Variants in NKAIN2 observed in about 807,000 individuals in gnomAD.
NKAIN2 encodes the protein sodium/potassium transporting ATPase interacting 2, also known as sodium/potassium-transporting ATPase subunit beta-1-interacting protein 2.
Under a neutral mutation model 32.6 loss-of-function variants are expected in NKAIN2, and 14 were observed. That is an observed-to-expected ratio of 0.43 (90% CI 0.28 to 0.67). The LOEUF is 0.67. Ranked by LOEUF, NKAIN2 falls within the 30% of genes least tolerant of loss-of-function variation. The probability of loss-of-function intolerance (pLI) is 0.17; values close to 1 mark genes in which losing one functional copy is unlikely to be tolerated. For synonymous variants in NKAIN2, 80 were observed against 87.2 expected (o/e 0.92, Z 0.46); for missense variants, 198 against 258.3 (o/e 0.77, Z 1.60).
intron 1 of NKAIN2, among the ~76,000 whole-genome samples, chr6:124,159,572 T>C (rs1788168267): frequency 6.6e-6 from 1 of 152,220 alleles, no homozygotes; most frequent in Non-Finnish European, 1.5e-5. Flanking sequence ...CTAAACGTGA[T>C]GTCTTTGAAA....
chr6:124,406,460 A>G (rs1773863629), intron 3 of NKAIN2, among the ~76,000 whole-genome samples: 1 of 152,120 alleles, frequency 6.6e-6, no homozygotes, highest in African/African-American at 2.4e-5. Flanking sequence ...TTTTCAATCC[A>G]TTCAGCTACT....
At chr6:124,645,794 C>G (rs1167042447) in intron 3 of NKAIN2, among the ~76,000 whole-genome samples, 1 of 152,212 alleles carries the variant, frequency 6.6e-6, no homozygotes, top group Admixed American at 6.5e-5. Context: ...GTCATCCTCA[C>G]TGGCTGTTCC....
At chr6:124,641,591 G>A (rs1340782676) in intron 3 of NKAIN2, among the ~76,000 whole-genome samples, 1 of 79,374 alleles carries the variant, frequency 1.3e-5, no homozygotes, top group Non-Finnish European at 2.4e-5. Flanking sequence ...TTGCTCTGTT[G>A]CCCAGGCTGG....
intron 3 of NKAIN2, among the ~76,000 whole-genome samples, chr6:124,464,906 A>C (rs745983192): frequency 9.2e-5 from 14 of 152,106 alleles, no homozygotes; most frequent in Non-Finnish European, 1.8e-4. Context: ...TCTGTGAAGA[A>C]AGTCAATGGT....
At chr6:124,213,730 T>A (rs1791308606) in intron 1 of NKAIN2, among the ~76,000 whole-genome samples, 1 of 152,158 alleles carries the variant, frequency 6.6e-6, no homozygotes, top group Non-Finnish European at 1.5e-5. Flanking sequence ...GTACAATATC[T>A]TTATTGTAAA....
At chr6:124,599,448 T>G (rs1782225055) in intron 3 of NKAIN2, among the ~76,000 whole-genome samples, 1 of 152,134 alleles carries the variant, frequency 6.6e-6, no homozygotes, top group African/African-American at 2.4e-5. Flanking sequence ...TAAGCCTCAC[T>G]ATGAGATTCC....
rs549045837 is a variant in NKAIN2, at chr6:124,339,311, C to T, written c.193-15956C>T. On this transcript the variant is annotated intron_variant, in intron 2 of 6. Coordinates refer to ENST00000368417, the MANE Select transcript of NKAIN2 (RefSeq NM_001040214.3). ...AGTGAGCCGAGATCGCACCACTGCA[C>T]TCCAGCCTGGCAACAGAATGAGACT... Among the ~76,000 whole-genome samples, 15 of 150,186 alleles carry T rather than the reference C, an allele frequency of 1.0e-4. No individual in the cohort carries two copies. The East Asian group carries it at 2.3e-3, about 24-fold the overall frequency.
At chr6:124,688,032 C>T (rs1774073745) in intron 4 of NKAIN2, among the ~76,000 whole-genome samples, 1 of 151,974 alleles carries the variant, frequency 6.6e-6, no homozygotes, top group African/African-American at 2.4e-5. Context: ...CATTATTCAT[C>T]ACAGGTCAAT....
chr6:124,638,391 G>T (rs1783852440), intron 3 of NKAIN2, among the ~76,000 whole-genome samples: 2 of 152,168 alleles, frequency 1.3e-5, no homozygotes, highest in South Asian at 4.1e-4. Flanking sequence ...CACAGTCAAT[G>T]ATATCAAAAG....
intron 1 of NKAIN2, among the ~76,000 whole-genome samples, chr6:123,911,377 T>G (rs955580232): frequency 6.6e-6 from 1 of 151,968 alleles, no homozygotes; most frequent in African/African-American, 2.4e-5. Context: ...GGACATCACA[T>G]GGTGAGAGAG....
intron 4 of NKAIN2, among the ~76,000 whole-genome samples, chr6:124,706,905 T>A (rs895800748): frequency 1.3e-5 from 2 of 152,108 alleles, no homozygotes; most frequent in African/African-American, 4.8e-5. Context: ...GTTAGTTACA[T>A]ATGTATACAT....
chr6:124,633,797 G>A (rs988370160), intron 3 of NKAIN2, among the ~76,000 whole-genome samples: 1 of 152,176 alleles, frequency 6.6e-6, no homozygotes, highest in African/African-American at 2.4e-5. Flanking sequence ...CCGAGGACCA[G>A]TCCTCTGAGG....
At chr6:124,785,640 G>A (rs1327578466) in intron 4 of NKAIN2, among the ~76,000 whole-genome samples, 1 of 152,126 alleles carries the variant, frequency 6.6e-6, no homozygotes, top group African/African-American at 2.4e-5. Flanking sequence ...GAGACTTAAG[G>A]TGGGAAGGGC....
rs564601591 is a variant in NKAIN2, at chr6:124,582,648, G to A, written c.274-75538G>A. 4.0e-5 allele frequency among the ~76,000 whole-genome samples: 6 copies of A among 151,894 alleles called. No individual in the cohort carries two copies. The East Asian group carries it at 9.7e-4, about 25-fold the overall frequency. Reference sequence around the variant, plus strand: ...TGTCTTGATACCAAAATCAGACATGGGCACATTAAAAAAAGAAAAGAAAAG... The same window carrying A: ...TGTCTTGATACCAAAATCAGACATGAGCACATTAAAAAAAGAAAAGAAAAG... On this transcript the variant is annotated intron_variant, in intron 3 of 6. Transcript: ENST00000368417.
At chr6:124,446,441 C>T (rs1172500905) in intron 3 of NKAIN2, among the ~76,000 whole-genome samples, 1 of 152,032 alleles carries the variant, frequency 6.6e-6, no homozygotes, top group Non-Finnish European at 1.5e-5. Context: ...TTCCTGGGCT[C>T]AAGTGATCCT....
chr6:123,916,348 G>A (rs1471554543), intron 1 of NKAIN2, among the ~76,000 whole-genome samples: 1 of 152,108 alleles, frequency 6.6e-6, no homozygotes, highest in African/African-American at 2.4e-5. Context: ...CACCTCCCTG[G>A]TTCAAACGAT....
intron 1 of NKAIN2, among the ~76,000 whole-genome samples, chr6:124,106,969 A>G (rs1183785237): frequency 6.6e-6 from 1 of 152,228 alleles, no homozygotes; most frequent in Non-Finnish European, 1.5e-5. Context: ...CATATTGGTG[A>G]TAGGCACTAT....
chr6:124,446,169 A>AT (rs754882468), intron 3 of NKAIN2, among the ~76,000 whole-genome samples: 5 of 152,216 alleles, frequency 3.3e-5, no homozygotes, highest in Admixed American at 1.3e-4. Flanking sequence ...CAAACACTAC[A>AT]TTATTGCTTT....
intron 1 of NKAIN2, among the ~76,000 whole-genome samples, chr6:124,269,550 C>T (rs1252867094): frequency 2.0e-5 from 3 of 151,416 alleles, no homozygotes; most frequent in East Asian, 1.9e-4. Context: ...TCACTGAAAC[C>T]TCCGCCTCCC....
Sources: allele counts gnomAD v4.1 joint callset (sites outside exome capture counted in the v4.1 genomes callset), GRCh38; gene constraint gnomAD v4.1.1; transcripts MANE v1.5; gene names NCBI Gene and HGNC (gene_info 2026-07-23, HGNC 2026-07-21).